Variants in NRXN3 observed in about 807,000 individuals in gnomAD.
NRXN3 encodes the protein neurexin III.
A neutral mutation model predicts 137.6 loss-of-function variants in NRXN3; 32 were observed. The observed-to-expected ratio is 0.23, with a 90% confidence interval of 0.18 to 0.31. The LOEUF (loss-of-function observed/expected upper bound fraction) is 0.31, where lower values mean the gene tolerates loss of function less well. Among genes scored for constraint, NRXN3 ranks in the 10% least tolerant of loss-of-function variants. NRXN3 has a pLI of 1.00. For missense variants in NRXN3, 1,574 were observed against 2,062.5 expected, an observed-to-expected ratio of 0.76 and a Z score of 4.59; for synonymous variants, 798 against 784.5, an observed-to-expected ratio of 1.02 and a Z score of -0.29.
chr14:79,735,315 TGTTA>T lies in NRXN3; in HGVS notation c.4014+37382_4014+37385del, dbSNP rs1378482666. 2.6e-5 allele frequency among the ~76,000 whole-genome samples: 4 copies of T among 152,328 alleles called. No homozygotes were observed. The East Asian group carries it at 7.7e-4, about 29-fold the overall frequency. ...ATGTACATTATTTTACAATGCAGTA[TGTTA>T]GTTGTCAATTGTTACGCAAGACTAA... On this transcript the variant is annotated intron_variant, in intron 19 of 20. Coordinates refer to ENST00000335750, the MANE Select transcript of NRXN3 (RefSeq NM_001330195.2).
At position 78,243,471 on chromosome 14, in the gene NRXN3, T is replaced by C. The variant is rs1882821; in HGVS notation, c.378T>C (p.Asp126=). ...GCCTGCGCACGGTGCTGATGCTTGA[T>C]GGCGAGGGCCAGTCTGGGGAGCTGC... ...RDRLRTVLML[D]GEGQSGELQP... Residue 126 remains aspartate, a synonymous_variant, in exon 2 of 21, where the codon GAT becomes GAC. Coordinates refer to ENST00000335750, the MANE Select transcript of NRXN3 (RefSeq NM_001330195.2). This position sits in a 1 kb window ranked among gnomAD's most constrained non-coding sequence, Gnocchi z 4.2. The C allele has an allele frequency of 0.21, 334,626 of 1,583,006 alleles. 36,913 individuals are homozygous for C. The highest frequency in any genetic ancestry group is 0.25 in the Middle Eastern group (1,499 of 6,044).
chr14:79,215,975 G>T (rs1335656351), intron 15 of NRXN3, among the ~76,000 whole-genome samples: 4 of 152,142 alleles, frequency 2.6e-5, no homozygotes, highest in Non-Finnish European at 5.9e-5. Context: ...GATTAAAAAT[G>T]ATAAATATTT....
chr14:78,976,697 A>T (rs28508487), intron 14 of NRXN3, among the ~76,000 whole-genome samples: 1 of 152,196 alleles, frequency 6.6e-6, no homozygotes, highest in Non-Finnish European at 1.5e-5. Flanking sequence ...CATAAATTGC[A>T]GTGAACTTCC....
Position 79,861,042 on chromosome 14 carries a change from G to T in NRXN3, c.4094-300G>T. On this transcript the variant is annotated intron_variant, in intron 20 of 20. Coordinates refer to ENST00000335750, the MANE Select transcript of NRXN3 (RefSeq NM_001330195.2). The surrounding 1 kb of genome is among the most constrained non-coding windows in gnomAD (Gnocchi z 5.4). ...TTCTTTTTCTTTTCCATCCCAGGAGGTGAATTAGTTATCCCTCTTCTTGTA... is the reference window on the plus strand; with the variant it reads ...TTCTTTTTCTTTTCCATCCCAGGAGTTGAATTAGTTATCCCTCTTCTTGTA... The T allele has an allele frequency of 7.2e-7, 1 of 1,398,444 alleles. No individual in the cohort carries two copies. The highest frequency in any genetic ancestry group is 9.3e-7 in the Non-Finnish European group (1 of 1,077,684). 86.6% of individuals were successfully genotyped at this position (1,398,444 alleles called of 1,614,324 possible).
intron 16 of NRXN3, among the ~76,000 whole-genome samples, chr14:79,478,695 A>G (rs2096581189): frequency 6.6e-6 from 1 of 152,126 alleles, no homozygotes; most frequent in South Asian, 2.1e-4. Context: ...CAAAATAAAT[A>G]AAGTCGTTTT....
chr14:78,714,138 T>C (rs2098421322), intron 7 of NRXN3, among the ~76,000 whole-genome samples: 2 of 152,334 alleles, frequency 1.3e-5, no homozygotes, highest in African/African-American at 4.8e-5. Context: ...AAATATTCAC[T>C]GGCAGGGCTG....
At position 78,721,730 on chromosome 14, in the gene NRXN3, G is replaced by A. The variant is rs142035843; in HGVS notation, c.2044+6591G>A. 3.9e-3 allele frequency among the ~76,000 whole-genome samples: 599 copies of A among 152,216 alleles called. 2 individuals carry two copies. The highest frequency in any genetic ancestry group is 6.3e-3 in the Non-Finnish European group (431 of 68,002). ...CTTAGATTTCTAAAGAGCATTAAAA[G>A]GCTGTTTCCTCTTTGGTCCATTGTT... is the stretch of plus-strand genomic sequence containing the variant. On this transcript the variant is annotated intron_variant, in intron 8 of 20. Transcript: ENST00000335750.
intron 15 of NRXN3, among the ~76,000 whole-genome samples, chr14:79,126,373 G>C (rs1596250779): frequency 7.4e-6 from 1 of 135,446 alleles, no homozygotes; most frequent in South Asian, 2.3e-4. Flanking sequence ...CCCTTCCTGT[G>C]TCCATGTGTT....
chr14:78,281,620 G>A (rs1362230718), intron 3 of NRXN3, among the ~76,000 whole-genome samples: 1 of 152,168 alleles, frequency 6.6e-6, no homozygotes, highest in Non-Finnish European at 1.5e-5. Flanking sequence ...CCTTTGGGGA[G>A]GAGGTTCAGA....
chr14:78,888,189 T>C (rs1037520340), intron 10 of NRXN3, among the ~76,000 whole-genome samples: 1 of 152,098 alleles, frequency 6.6e-6, no homozygotes, highest in Non-Finnish European at 1.5e-5. Context: ...CAGGCTTTGA[T>C]TTATTTAGGA....
At chr14:78,954,249 A>G (rs750659480) in intron 10 of NRXN3, among the ~76,000 whole-genome samples, 3 of 152,172 alleles carry the variant, frequency 2.0e-5, no homozygotes, top group Non-Finnish European at 2.9e-5. Context: ...TTGATTAAGG[A>G]TAAATGCCAT....
intron 15 of NRXN3, among the ~76,000 whole-genome samples, chr14:79,167,076 C>T (rs542171476): frequency 3.3e-5 from 5 of 152,046 alleles, no homozygotes; most frequent in African/African-American, 7.2e-5. Context: ...TAGATTATTA[C>T]ATTTTTATGA....
chr14:79,287,719 C>T (rs2082512385), intron 15 of NRXN3, among the ~76,000 whole-genome samples: 1 of 152,160 alleles, frequency 6.6e-6, no homozygotes, highest in South Asian at 2.1e-4. Context: ...GGTCCTGATA[C>T]ATAGATTTTG....
At chr14:78,350,424 C>A (rs2083330764) in intron 4 of NRXN3, among the ~76,000 whole-genome samples, 1 of 152,104 alleles carries the variant, frequency 6.6e-6, no homozygotes, top group East Asian at 1.9e-4. Context: ...GGGGAAAGGG[C>A]ACCCCAACAA....
chr14:79,353,543 G>A (rs919120799), intron 15 of NRXN3, among the ~76,000 whole-genome samples: 10 of 151,810 alleles, frequency 6.6e-5, no homozygotes, highest in South Asian at 4.2e-4. Flanking sequence ...AAATAAAAAC[G>A]AAAAAAATGA....
chr14:78,684,706 G>A (rs1051408597), intron 6 of NRXN3, among the ~76,000 whole-genome samples: 14 of 152,086 alleles, frequency 9.2e-5, no homozygotes, highest in Non-Finnish European at 1.2e-4. Flanking sequence ...AGGCAGGAGG[G>A]TCCATTGAGC....
At chr14:79,351,753 T>C (rs2093218608) in intron 15 of NRXN3, among the ~76,000 whole-genome samples, 3 of 152,240 alleles carry the variant, frequency 2.0e-5, no homozygotes, top group South Asian at 2.1e-4. Flanking sequence ...TCTAAGGTTA[T>C]AGTAAAAGCA....
rs1012049064 is a variant in NRXN3, at chr14:79,122,525, G to A, written c.3262+134384G>A. Among the ~76,000 whole-genome samples, 8 of 152,058 alleles carry A rather than the reference G, an allele frequency of 5.3e-5. No homozygotes were observed. The South Asian group carries it at 1.0e-3, about 20-fold the overall frequency. On this transcript the variant is annotated intron_variant, in intron 15 of 20. Coordinates refer to ENST00000335750, the MANE Select transcript of NRXN3 (RefSeq NM_001330195.2). ...TACATAAGTAGAAGAGTTAGGAATCGTTTTCTGAAAAGACATTCTAATATT... is the reference window on the plus strand; with the variant it reads ...TACATAAGTAGAAGAGTTAGGAATCATTTTCTGAAAAGACATTCTAATATT...
intron 16 of NRXN3, among the ~76,000 whole-genome samples, chr14:79,548,554 T>C (rs2097343218): frequency 6.6e-6 from 1 of 152,050 alleles, no homozygotes; most frequent in South Asian, 2.1e-4. Flanking sequence ...GTATATACCC[T>C]GCAATCCCAT....
Sources: allele counts gnomAD v4.1 joint callset (sites outside exome capture counted in the v4.1 genomes callset), GRCh38; gene constraint gnomAD v4.1.1; non-coding constraint Gnocchi (gnomAD v3.1); transcripts MANE v1.5; gene names NCBI Gene and HGNC (gene_info 2026-07-23, HGNC 2026-07-21).